Variants in CLK3 observed in about 807,000 individuals in gnomAD.
CLK3 encodes CDC like kinase 3, also known as dual specificity protein kinase CLK3.
Under a neutral mutation model 65.2 loss-of-function variants are expected in CLK3, and 24 were observed. That is an observed-to-expected ratio of 0.37 (90% confidence interval 0.27 to 0.52). CLK3 has a LOEUF of 0.52. CLK3 is among the 20% of genes least tolerant of loss of function. The pLI is 0.92. For synonymous variants in CLK3, 252 were observed against 240.8 expected, an observed-to-expected ratio of 1.05 and a Z score of -0.43; for missense variants, 506 against 660.0, an observed-to-expected ratio of 0.77 and a Z score of 2.56.
rs866372448 is a variant in CLK3 at position 74,625,581 on chromosome 15, C to T, written c.651-221C>T. Among the ~76,000 whole-genome samples the T allele has an allele frequency of 6.6e-5, 10 of 152,292 alleles. No individual in the cohort carries two copies. The Middle Eastern group carries it at 0.014, about 209-fold the overall frequency. On this transcript the variant is annotated intron_variant, in intron 6 of 12. Coordinates refer to ENST00000395066, the MANE Select transcript of CLK3 (RefSeq NM_001130028.2). The stretch of plus-strand genomic sequence containing the variant: ...AGAACCGTGGACATCTCCCCTACCC[C>T]CCGCAGGAAGCTTAGTCCTTGCCCA...
At chr15:74,619,848 AG>A in intron 2 of CLK3, 160 bp from the exon 3 acceptor site, 4 of 1,175,138 alleles carry the variant, frequency 3.4e-6, no homozygotes, top group Non-Finnish European at 4.7e-6. Context: ...GGGCGGGCTT[AG>A]TACCTTTGCA....
rs2062155509 is a variant in CLK3, at chr15:74,627,716, G to A, written c.1042+48G>A. 1 of 1,610,868 alleles carries A rather than the reference G, an allele frequency of 6.2e-7. No individual in the cohort carries two copies. The highest frequency in any genetic ancestry group is 8.5e-7 in the Non-Finnish European group (1 of 1,178,414). On this transcript the variant is annotated intron_variant, in intron 9 of 12. Transcript: ENST00000395066. The surrounding 1 kb of genome is among the most constrained non-coding windows in gnomAD (Gnocchi z 4.3). ...ACCTTGTCATACTGGACTGTTGTTGGGAGGGTATGAGCAGAGGCAGTGGCA... is the reference window on the plus strand; with the variant it reads ...ACCTTGTCATACTGGACTGTTGTTGAGAGGGTATGAGCAGAGGCAGTGGCA...
intron 1 of CLK3, 110 bp from the exon 2 acceptor site, chr15:74,619,087 T>C (rs1418828691): frequency 4.3e-6 from 6 of 1,379,774 alleles, no homozygotes; most frequent in Non-Finnish European, 6.0e-6. Flanking sequence ...GGGGCCGCCT[T>C]CAAACAGAAC....
Position 74,628,941 on chromosome 15 carries a change from G to A in CLK3, c.1206-1G>A. On this transcript the variant is annotated splice_acceptor_variant, in intron 11 of 12. Coordinates refer to ENST00000395066, the MANE Select transcript of CLK3 (RefSeq NM_001130028.2). LOFTEE classifies it high-confidence loss of function. Reference sequence around the variant, plus strand: ...CTTGACTCCACCCCCTTAATTTTCAGGAAGCAGAAATATTTCTACAAAGGG... The same window carrying A: ...CTTGACTCCACCCCCTTAATTTTCAAGAAGCAGAAATATTTCTACAAAGGG... 6.2e-7 allele frequency: 1 copy of A among 1,608,912 alleles called. No individual in the cohort carries two copies. Among genetic ancestry groups the A allele is most frequent in the Non-Finnish European group, 8.5e-7 (1 of 1,175,380 alleles).
intron 2 of CLK3, 68 bp downstream of exon 2, chr15:74,619,416 AC>A (rs1210451110): frequency 3.2e-6 from 5 of 1,552,002 alleles, no homozygotes; most frequent in Non-Finnish European, 4.4e-6. Context: ...GCAGCTCCAG[AC>A]TCCTTGAGAT....
chr15:74,615,618 G>A, upstream of CLK3: 1 of 1,252,138 alleles, frequency 8.0e-7, no homozygotes. Flanking sequence ...TACGTGCGCC[G>A]CGACACGGCG....
At chr15:74,616,096 G>A in intron 1 of CLK3, 198 bp downstream of exon 1, 1 of 436,144 alleles carries the variant, frequency 2.3e-6, no homozygotes, top group Non-Finnish European at 3.8e-6. Context: ...CCCTGACCTC[G>A]ACCCCACGGT....
upstream of CLK3, chr15:74,613,398 G>A (rs1333779517): frequency 6.6e-6 from 1 of 152,274 alleles, no homozygotes; most frequent in Non-Finnish European, 1.5e-5. Flanking sequence ...TGGGAGTGGA[G>A]GAGTTACCCA....
chr15:74,619,441 C>A, intron 2 of CLK3, 93 bp downstream of exon 2: 1 of 1,390,932 alleles, frequency 7.2e-7, no homozygotes, highest in Non-Finnish European at 1.0e-6. Context: ...TCCATCCCTG[C>A]CCAGCTGTCC....
intron 6 of CLK3, 48 bp from the exon 7 acceptor site, chr15:74,625,754 G>T (rs1225872105): frequency 6.2e-7 from 1 of 1,605,692 alleles, no homozygotes; most frequent in African/African-American, 1.3e-5. Context: ...AGGGGGTGAG[G>T]CAGGCCCCCA....
rs751301893 is a variant in CLK3, at chr15:74,620,012, T to C, written c.156T>C (p.His52=). The C allele has an allele frequency of 4.3e-6, 7 of 1,614,068 alleles. No homozygotes were observed. The highest frequency in any genetic ancestry group is 2.2e-5 in the East Asian group (1 of 44,884). ...PPPRRSRSRS[H]DRLPYQRRYR... ...GTCCCCATCCCCCTTTTGGCAGCCATGACCGCCTGCCCTACCAGAGGAGGT... is the reference window on the plus strand; with the variant it reads ...GTCCCCATCCCCCTTTTGGCAGCCACGACCGCCTGCCCTACCAGAGGAGGT... Residue 52 remains histidine, a synonymous_variant, in exon 3 of 13, where the codon CAT becomes CAC. Coordinates refer to ENST00000395066, the MANE Select transcript of CLK3 (RefSeq NM_001130028.2).
At chr15:74,623,271 A>G (rs767328672) in intron 5 of CLK3, among the ~76,000 whole-genome samples, 3 of 152,230 alleles carry the variant, frequency 2.0e-5, no homozygotes, top group Non-Finnish European at 4.4e-5. Flanking sequence ...CCACCCTGCC[A>G]TAGGCTCTCT....
rs1193946812 is a variant in CLK3, at chr15:74,625,012, A to G, written c.644A>G (p.Asn215Ser). 1.2e-6 allele frequency: 2 copies of G among 1,612,374 alleles called. No individual in the cohort carries two copies. The highest frequency in any genetic ancestry group is 1.7e-6 in the Non-Finnish European group (2 of 1,178,502). Residue 215 changes from asparagine (N) to serine (S), a missense_variant, in exon 6 of 13, where the codon AAC (asparagine) becomes AGC (serine). Asn to Ser is a conservative substitution (Grantham distance 46, BLOSUM62 1). Around this residue, in one of 2 missense-constraint regions of CLK3, gnomAD observed 325 missense variants for 500.5 expected, o/e 0.65. Coordinates refer to ENST00000395066, the MANE Select transcript of CLK3 (RefSeq NM_001130028.2). ...LKKIKEKDKE[N>S]KFLCVLMSDW... ...AAAATCAAGGAGAAGGACAAAGAAA[A>G]CAAGTTGTGAGTATCTGCAAGGAGT...
At chr15:74,615,773 C>G (rs1596284771), upstream of CLK3, 4 of 1,243,510 alleles carry the variant, frequency 3.2e-6, no homozygotes, top group Non-Finnish European at 4.0e-6. Context: ...CCGGGTCGAG[C>G]CGAGGCTGGC....
chr15:74,629,285 C>T, intron 12 of CLK3: 2 of 599,188 alleles, frequency 3.3e-6, no homozygotes, highest in Admixed American at 5.1e-5. Context: ...AGCCAGATGT[C>T]AGAAGCCCTG....
Position 74,622,659 on chromosome 15 carries a change from T to C in CLK3, c.533+99T>C. ...GGTGGCAGCTATCAGAGCTTAACTT[T>C]TTTCTTTTTGAAGGGTGGCATCAAA... is the stretch of plus-strand genomic sequence containing the variant. On this transcript the variant is annotated intron_variant, in intron 5 of 12. Coordinates refer to ENST00000395066, the MANE Select transcript of CLK3 (RefSeq NM_001130028.2). The surrounding 1 kb of genome is among the most constrained non-coding windows in gnomAD (Gnocchi z 4.6). 1.0e-6 allele frequency: 1 copy of C among 963,364 alleles called. No individual in the cohort carries two copies. 59.7% of individuals were successfully genotyped at this position (963,364 alleles called of 1,614,324 possible).
Position 74,627,822 on chromosome 15 carries a change from C to G in CLK3, c.1043-148C>G. On this transcript the variant is annotated intron_variant, in intron 9 of 12. Coordinates refer to ENST00000395066, the MANE Select transcript of CLK3 (RefSeq NM_001130028.2). The surrounding 1 kb of genome is among the most constrained non-coding windows in gnomAD (Gnocchi z 4.3). ...GTGTCATGAGACACAGGTGACTGAC[C>G]TGGCTTTATCTGTCAGCCTTACTGA... 8.1e-7 allele frequency: 1 copy of G among 1,230,844 alleles called. No homozygotes were observed. 76.2% of individuals were successfully genotyped at this position (1,230,844 alleles called of 1,614,324 possible).
chr15:74,622,020 A>T lies in CLK3; in HGVS notation c.370-100A>T. On this transcript the variant is annotated intron_variant, in intron 3 of 12. Coordinates refer to ENST00000395066, the MANE Select transcript of CLK3 (RefSeq NM_001130028.2). This position sits in a 1 kb window ranked among gnomAD's most constrained non-coding sequence, Gnocchi z 4.6. The stretch of plus-strand genomic sequence containing the variant: ...CAACCAACCAACCCACCGGCTCCTC[A>T]CCGTCTCCACCTCTGCCTTTGACTG... 1 of 1,103,842 alleles carries T rather than the reference A, an allele frequency of 9.1e-7. No homozygotes were observed. Among genetic ancestry groups the T allele is most frequent in the Non-Finnish European group, 1.4e-6 (1 of 726,966 alleles). The allele number at this position is 1,103,842 out of a possible 1,614,324, so 68.4% of individuals were successfully genotyped here.
In CLK3 at chr15:74,621,284, G is replaced by C. The variant is rs772650984; in HGVS notation, c.370-836G>C. The C allele has an allele frequency of 6.5e-6, 1 of 153,538 alleles. No homozygotes were observed. The highest frequency in any genetic ancestry group is 1.5e-5 in the Non-Finnish European group (1 of 68,938). The allele number at this position is 153,538 out of a possible 1,614,324, so 9.5% of individuals were successfully genotyped here. On this transcript the variant is annotated intron_variant, in intron 3 of 12. Coordinates refer to ENST00000395066, the MANE Select transcript of CLK3 (RefSeq NM_001130028.2). This position sits in a 1 kb window ranked among gnomAD's most constrained non-coding sequence, Gnocchi z 4.8. ...GTTTCTCTGTTTGGTGCCCTCTATC[G>C]ATCGTCGTGAGGCTTGGGATGGGCC...
Sources: allele counts gnomAD v4.1 joint callset (sites outside exome capture counted in the v4.1 genomes callset), GRCh38; gene constraint gnomAD v4.1.1; regional missense constraint gnomAD v4.1.1; non-coding constraint Gnocchi (gnomAD v3.1); transcripts MANE v1.5; gene names NCBI Gene and HGNC (gene_info 2026-07-23, HGNC 2026-07-21).